Variants in MAP3K13 observed in about 807,000 individuals in gnomAD.
MAP3K13 encodes the protein mitogen-activated protein kinase kinase kinase 13.
MAP3K13 carries 52 observed loss-of-function variants against 104.0 expected under a neutral mutation model. The ratio of observed to expected loss-of-function variants is 0.50; its 90% CI spans 0.40 to 0.63. MAP3K13 has a LOEUF of 0.63. Among genes scored for constraint, MAP3K13 ranks in the 20% least tolerant of loss-of-function variants. MAP3K13 has a pLI of 0.00. For missense variants in MAP3K13, 914 were observed against 1,218.5 expected (o/e 0.75, Z 3.72); for synonymous variants, 394 against 442.2 (o/e 0.89, Z 1.37).
At chr3:185,398,379 G>T (rs952142698) in intron 1 of MAP3K13, among the ~76,000 whole-genome samples, 35 of 152,134 alleles carry the variant, frequency 2.3e-4, no homozygotes, top group Admixed American at 2.3e-3. Flanking sequence ...TCCTGTGAAG[G>T]CAGATGAGCA....
chr3:185,486,230 G>A lies in MAP3K13; in HGVS notation c.*3774G>A, dbSNP rs186054511. On this transcript the variant is annotated 3_prime_UTR_variant, in exon 14 of 14. Coordinates refer to ENST00000265026, the MANE Select transcript of MAP3K13 (RefSeq NM_004721.5). ...TTTTGAATTCTCATCTTGATTATCTGTTATGCTATTGTCATCATACACCTT... is the reference window on the plus strand; with the variant it reads ...TTTTGAATTCTCATCTTGATTATCTATTATGCTATTGTCATCATACACCTT... 1.3e-5 allele frequency: 2 copies of A among 152,216 alleles called. No individual in the cohort carries two copies. The highest frequency in any genetic ancestry group is 1.9e-4 in the East Asian group (1 of 5,188). The allele number at this position is 152,216 out of a possible 1,614,324, so 9.4% of individuals were successfully genotyped here. A position where few individuals can be genotyped will look rare whatever the true frequency, so the allele number is the denominator to read the frequency against.
intron 2 of MAP3K13, among the ~76,000 whole-genome samples, chr3:185,329,973 G>A (rs1429600575): frequency 4.7e-5 from 6 of 126,388 alleles, no homozygotes; most frequent in African/African-American, 1.2e-4. Context: ...TCCGCCTCCC[G>A]TGTTCAAGTG....
At chr3:185,454,459 A>G (rs1254022046) in intron 7 of MAP3K13, among the ~76,000 whole-genome samples, 1 of 100,822 alleles carries the variant, frequency 9.9e-6, no homozygotes, top group African/African-American at 3.9e-5. Context: ...TATGAGATAT[A>G]TATGATATAT....
intron 4 of MAP3K13, among the ~76,000 whole-genome samples, chr3:185,444,549 A>G (rs1235754155): frequency 3.3e-5 from 5 of 152,164 alleles, no homozygotes; most frequent in Admixed American, 1.3e-4. Flanking sequence ...AAAAATAAAC[A>G]CTGGCTATGT....
At chr3:185,420,990 C>T (rs531751170) in intron 1 of MAP3K13, among the ~76,000 whole-genome samples, 2 of 152,152 alleles carry the variant, frequency 1.3e-5, no homozygotes, top group Non-Finnish European at 2.9e-5. Context: ...ACCACTTCCT[C>T]CTCTTGGGGC....
In MAP3K13 at chr3:185,486,710, CTGCAAGATGATGAGTTTTAATTTGGGT is replaced by C. The variant is rs1409280903; in HGVS notation, c.*4259_*4285del. 1 of 152,206 alleles carries C rather than the reference CTGCAAGATGATGAGTTTTAATTTGGGT, an allele frequency of 6.6e-6. No homozygotes were observed. Among genetic ancestry groups the C allele is most frequent in the African/African-American group, 2.4e-5 (1 of 41,452 alleles). 9.4% of individuals were successfully genotyped at this position (152,206 alleles called of 1,614,324 possible). On this transcript the variant is annotated 3_prime_UTR_variant, in exon 14 of 14. Coordinates refer to ENST00000265026, the MANE Select transcript of MAP3K13 (RefSeq NM_004721.5). The stretch of plus-strand genomic sequence containing the variant: ...TCCGTTAGCGTCTGTTTTTAACTGA[CTGCAAGATGATGAGTTTTAATTTGGGT>C]TGCAGATGAGCATTTGGTTCTGATT...
At chr3:185,451,621 C>T in intron 7 of MAP3K13, 1 of 375,872 alleles carries the variant, frequency 2.7e-6, no homozygotes, top group East Asian at 5.0e-5. Context: ...GCCGGGTGCA[C>T]TTTGGGAGGC....
chr3:185,285,471 T>C, intron 1 of MAP3K13: 1 of 561,472 alleles, frequency 1.8e-6, no homozygotes, highest in Non-Finnish European at 3.1e-6. Flanking sequence ...AGTTGGTATC[T>C]CAGTGGTACC....
chr3:185,399,632 G>C lies in MAP3K13; in HGVS notation c.-85-28865G>C, dbSNP rs1169637536. Among the ~76,000 whole-genome samples, 5 of 10,928 alleles carry C rather than the reference G, an allele frequency of 4.6e-4. 2 individuals carry two copies. Among genetic ancestry groups the C allele is most frequent in the Non-Finnish European group, 1.7e-3 (5 of 2,928 alleles). The allele number at this position is 10,928 out of a possible 152,430, so 7.2% of individuals were successfully genotyped here. ...AAAGAAAGAGAGAGAAAGGCGGGGG[G>C]GGGGGGGGAGGGAGGGAGGAAAAAA... is the stretch of plus-strand genomic sequence containing the variant. On this transcript the variant is annotated intron_variant, in intron 1 of 13. Transcript: ENST00000265026.
chr3:185,438,080 C>T (rs1715140282), intron 3 of MAP3K13, among the ~76,000 whole-genome samples: 2 of 152,046 alleles, frequency 1.3e-5, no homozygotes, highest in South Asian at 4.2e-4. Context: ...ATCACTTGAG[C>T]CCAGGAGTTT....
At chr3:185,369,234 G>A (rs938329599) in intron 1 of MAP3K13, among the ~76,000 whole-genome samples, 2 of 152,136 alleles carry the variant, frequency 1.3e-5, no homozygotes, top group Admixed American at 1.3e-4. Context: ...GCTGGGAGTG[G>A]GGTAAATTTA....
At chr3:185,364,493 T>C (rs7612872) in intron 1 of MAP3K13, among the ~76,000 whole-genome samples, 110,148 of 152,184 alleles carry the variant, frequency 0.72, 42,262 homozygotes, top group Non-Finnish European at 0.86. Context: ...CAGGCTGCCA[T>C]GTTTACCTTG....
chr3:185,472,741 G>A lies in MAP3K13; in HGVS notation c.1644-234G>A, dbSNP rs116244956. On this transcript the variant is annotated intron_variant, in intron 10 of 13. Coordinates refer to ENST00000265026, the MANE Select transcript of MAP3K13 (RefSeq NM_004721.5). ...CTAGATCGTGCTTAGAGATGTTACC[G>A]ATAAGTTGGTATGAGTTTATTTCCA... is the stretch of plus-strand genomic sequence containing the variant. Among the ~76,000 whole-genome samples the A allele has an allele frequency of 4.0e-3, 615 of 152,188 alleles. 2 individuals are homozygous for A. The highest frequency in any genetic ancestry group is 0.014 in the African/African-American group (596 of 41,518).
At chr3:185,330,678 C>A (rs1722232264) in intron 2 of MAP3K13, among the ~76,000 whole-genome samples, 1 of 152,070 alleles carries the variant, frequency 6.6e-6, no homozygotes, top group South Asian at 2.1e-4. Context: ...CTTTTAACAA[C>A]CTGGAAGGCC....
At chr3:185,410,664 G>C (rs1713387820) in intron 1 of MAP3K13, among the ~76,000 whole-genome samples, 1 of 152,142 alleles carries the variant, frequency 6.6e-6, no homozygotes, top group African/African-American at 2.4e-5. Context: ...GCCAGGTGTG[G>C]TGGCTCATGC....
intron 11 of MAP3K13, among the ~76,000 whole-genome samples, chr3:185,475,452 T>A (rs1044569289): frequency 6.6e-6 from 1 of 152,166 alleles, no homozygotes; most frequent in Non-Finnish European, 1.5e-5. Context: ...CAACTAGGCA[T>A]TGAGTAGAAA....
intron 2 of MAP3K13, among the ~76,000 whole-genome samples, chr3:185,317,692 A>G (rs950895841): frequency 2.6e-5 from 4 of 152,208 alleles, no homozygotes; most frequent in African/African-American, 9.6e-5. Flanking sequence ...TTTTCTATGT[A>G]TAATTGACCC....
intron 1 of MAP3K13, among the ~76,000 whole-genome samples, chr3:185,385,176 AG>A (rs1271106787): frequency 6.6e-6 from 1 of 152,034 alleles, no homozygotes; most frequent in East Asian, 1.9e-4. Context: ...TTGGAGGCAA[AG>A]TCTCACTCTG....
At chr3:185,363,806 C>T (rs1303299879) in intron 1 of MAP3K13, among the ~76,000 whole-genome samples, 1 of 152,270 alleles carries the variant, frequency 6.6e-6, no homozygotes, top group African/African-American at 2.4e-5. Context: ...CCGTTCCTCA[C>T]CCTTCACCTT....
Sources: gnomAD v4.1 joint callset for allele counts (sites outside exome capture counted in the v4.1 genomes callset) on GRCh38, gnomAD v4.1.1 for gene constraint, MANE v1.5 for transcripts, NCBI Gene and HGNC (gene_info 2026-07-23, HGNC 2026-07-21) for gene names.